The following ZNRF1 variants were observed in gnomAD, a reference collection of about 807,000 sequenced individuals.
ZNRF1 encodes the protein E3 ubiquitin-protein ligase ZNRF1.
ZNRF1 carries 3 observed loss-of-function variants against 18.4 expected under a neutral mutation model. The observed-to-expected ratio is 0.16, with a 90% CI of 0.07 to 0.42. The LOEUF (loss-of-function observed/expected upper bound fraction) is 0.42, where lower values mean the gene tolerates loss of function less well. ZNRF1 is among the 10% of genes least tolerant of loss of function. The pLI is 0.99. For synonymous variants in ZNRF1, 157 were observed against 144.2 expected (o/e 1.09, Z -0.64); for missense variants, 310 against 329.8 (o/e 0.94, Z 0.47).
At chr16:75,068,387 C>T (rs2035829576) in intron 1 of ZNRF1, among the ~76,000 whole-genome samples, 1 of 151,840 alleles carries the variant, frequency 6.6e-6, no homozygotes, top group South Asian at 2.1e-4. Context: ...ACCAGTTAAC[C>T]CTGGCCTGGC....
At chr16:75,079,500 C>A (rs2035984329) in intron 1 of ZNRF1, among the ~76,000 whole-genome samples, 1 of 151,936 alleles carries the variant, frequency 6.6e-6, no homozygotes, top group African/African-American at 2.4e-5. Flanking sequence ...CAAGAAACCT[C>A]CTTTTGACCC....
intron 1 of ZNRF1, among the ~76,000 whole-genome samples, chr16:75,006,982 A>T (rs2034927329): frequency 6.6e-6 from 1 of 151,108 alleles, no homozygotes; most frequent in African/African-American, 2.4e-5. Context: ...TGGATGAAGG[A>T]TGAGTTGTGG....
In ZNRF1 at chr16:75,108,453, T is replaced by TC. The variant is rs2036342305; in HGVS notation, c.*754dup. 3 of 397,200 alleles carry TC rather than the reference T, an allele frequency of 7.6e-6. No homozygotes were observed. Among genetic ancestry groups the TC allele is most frequent in the Admixed American group, 8.8e-5 (2 of 22,686 alleles). The allele number at this position is 397,200 out of a possible 1,614,324, so 24.6% of individuals were successfully genotyped here. On this transcript the variant is annotated 3_prime_UTR_variant, in exon 5 of 5. Transcript: ENST00000335325. ...CTTAGGCCCTCGTGGATTTTTTTTT[T>TC]CAGAAAACTTAAACAAAAAAAGACT...
At chr16:75,028,763 A>G (rs1482317624) in intron 1 of ZNRF1, among the ~76,000 whole-genome samples, 2 of 152,252 alleles carry the variant, frequency 1.3e-5, no homozygotes, top group Non-Finnish European at 2.9e-5. Flanking sequence ...TGCTAAATCC[A>G]GTAGCCTATT....
chr16:75,073,674 A>G (rs528220462), intron 1 of ZNRF1, among the ~76,000 whole-genome samples: 4 of 152,220 alleles, frequency 2.6e-5, no homozygotes, highest in Admixed American at 2.0e-4. Flanking sequence ...TCCGACGTGC[A>G]CATTTAATCC....
At chr16:75,012,320 A>G (rs2035009535) in intron 1 of ZNRF1, among the ~76,000 whole-genome samples, 1 of 152,236 alleles carries the variant, frequency 6.6e-6, no homozygotes, top group Non-Finnish European at 1.5e-5. Flanking sequence ...GCCTTGGGTT[A>G]GAGAGCCAGA....
chr16:75,032,874 A>G (rs1332583904), intron 1 of ZNRF1, among the ~76,000 whole-genome samples: 3 of 152,166 alleles, frequency 2.0e-5, no homozygotes, highest in Non-Finnish European at 2.9e-5. Context: ...TTAGTTGGGC[A>G]TGGTGGTATA....
intron 1 of ZNRF1, among the ~76,000 whole-genome samples, chr16:75,080,171 C>G (rs2035992280): frequency 6.6e-6 from 1 of 152,198 alleles, no homozygotes; most frequent in Non-Finnish European, 1.5e-5. Context: ...CCACCTTGGC[C>G]TCCCAAAGTG....
intron 1 of ZNRF1, among the ~76,000 whole-genome samples, chr16:75,071,455 C>T (rs1160058962): frequency 3.3e-5 from 5 of 152,196 alleles, no homozygotes; most frequent in South Asian, 4.2e-4. Flanking sequence ...CAGCAAGGGC[C>T]GTCAATCCAA....
intron 1 of ZNRF1, among the ~76,000 whole-genome samples, chr16:75,002,571 G>C (rs1467631065): frequency 6.6e-6 from 1 of 152,214 alleles, no homozygotes; most frequent in Non-Finnish European, 1.5e-5. Flanking sequence ...CCTTCTCAGA[G>C]AGCGTGGGCT....
intron 1 of ZNRF1, among the ~76,000 whole-genome samples, chr16:75,027,342 C>G (rs542536723): frequency 6.6e-6 from 1 of 152,252 alleles, no homozygotes; most frequent in East Asian, 1.9e-4. Flanking sequence ...AAATTGCAAT[C>G]AGTTTGGCCA....
chr16:75,085,786 C>CAGAGAGAGAGAGAG (rs1159653292), intron 1 of ZNRF1, among the ~76,000 whole-genome samples: 2 of 48,904 alleles, frequency 4.1e-5, no homozygotes, highest in African/African-American at 1.7e-4. Flanking sequence ...ACAGATCCGA[C>CAGAGAGAGAGAGAG]AGAGTGAGAG....
chr16:75,064,303 A>AAAC (rs2035776812), intron 1 of ZNRF1, among the ~76,000 whole-genome samples: 1 of 151,138 alleles, frequency 6.6e-6, no homozygotes, highest in Admixed American at 6.6e-5. Flanking sequence ...CCCCATCTCA[A>AAAC]AATAATAATA....
At chr16:75,056,999 C>G (rs891267665) in intron 1 of ZNRF1, among the ~76,000 whole-genome samples, 29 of 152,174 alleles carry the variant, frequency 1.9e-4, no homozygotes, top group African/African-American at 6.8e-4. Context: ...GTGGCATCCT[C>G]TAGTTCAGTT....
intron 1 of ZNRF1, among the ~76,000 whole-genome samples, chr16:75,090,823 C>T (rs2036128666): frequency 1.3e-5 from 2 of 152,168 alleles, no homozygotes; most frequent in African/African-American, 4.8e-5. Context: ...AAAGTGGTTG[C>T]GTCAGTTAGC....
chr16:75,054,746 C>T (rs1247081183), intron 1 of ZNRF1, among the ~76,000 whole-genome samples: 2 of 152,254 alleles, frequency 1.3e-5, no homozygotes, highest in African/African-American at 4.8e-5. Flanking sequence ...ACTAATCCTC[C>T]TGGGAGATTG....
chr16:75,099,517 A>G (rs917578589), intron 2 of ZNRF1, among the ~76,000 whole-genome samples: 2 of 152,250 alleles, frequency 1.3e-5, no homozygotes, highest in Admixed American at 6.5e-5. Context: ...AGCCAGGCCA[A>G]ACACACTTCC....
chr16:75,020,769 C>G (rs999209840), intron 1 of ZNRF1, among the ~76,000 whole-genome samples: 2 of 152,124 alleles, frequency 1.3e-5, no homozygotes, highest in East Asian at 3.9e-4. Context: ...GTCTCGATCT[C>G]CTGACCTCAT....
chr16:75,060,345 C>A (rs578257689), intron 1 of ZNRF1, among the ~76,000 whole-genome samples: 1 of 152,140 alleles, frequency 6.6e-6, no homozygotes, highest in East Asian at 1.9e-4. Context: ...GCCATTGCAC[C>A]CGGCCGACAG....
Sources: gnomAD v4.1 joint callset for allele counts (sites outside exome capture counted in the v4.1 genomes callset) on GRCh38, gnomAD v4.1.1 for gene constraint, MANE v1.5 for transcripts, NCBI Gene and HGNC (gene_info 2026-07-23, HGNC 2026-07-21) for gene names.